RAB11FIP5: variants seen among roughly 807,000 people sequenced by gnomAD.
The protein encoded by RAB11FIP5 is RAB11 family interacting protein 5.
Under a neutral mutation model 85.1 loss-of-function variants are expected in RAB11FIP5, and 48 were observed. The ratio of observed to expected loss-of-function variants is 0.56; its 90% confidence interval spans 0.45 to 0.72. The LOEUF is 0.72. Ranked by LOEUF, RAB11FIP5 falls within the 30% of genes least tolerant of loss-of-function variation. RAB11FIP5 has a pLI of 0.00. For missense variants in RAB11FIP5, 1,491 were observed against 1,687.0 expected, an observed-to-expected ratio of 0.88 and a Z score of 2.04; for synonymous variants, 729 against 727.3, an observed-to-expected ratio of 1.00 and a Z score of -0.04.
intron 1 of RAB11FIP5, among the ~76,000 whole-genome samples, chr2:73,106,377 G>A (rs903189549): frequency 1.3e-5 from 2 of 152,196 alleles, no homozygotes; most frequent in Non-Finnish European, 2.9e-5. Context: ...CACAGCCAGC[G>A]CCAGTGGCTC....
chr2:73,112,201 CGAA>C, intron 1 of RAB11FIP5, 143 bp downstream of exon 1: 1 of 1,012,406 alleles, frequency 9.9e-7, no homozygotes, highest in Non-Finnish European at 1.3e-6. Flanking sequence ...CCCCGAAATG[CGAA>C]GAACCAACGT....
chr2:73,077,420 G>A (rs1683884389), intron 4 of RAB11FIP5, among the ~76,000 whole-genome samples: 1 of 152,192 alleles, frequency 6.6e-6, no homozygotes, highest in African/African-American at 2.4e-5. Context: ...TCTAGTCACA[G>A]CCACTAAATC....
In RAB11FIP5 at chr2:73,080,354, C is replaced by T. The variant is rs1165973962; in HGVS notation, c.2878G>A (p.Glu960Lys). 1 of 1,232,730 alleles carries T rather than the reference C, an allele frequency of 8.1e-7. No homozygotes were observed. The highest frequency in any genetic ancestry group is 1.0e-6 in the Non-Finnish European group (1 of 988,374). The allele number at this position is 1,232,730 out of a possible 1,614,324, so 76.4% of individuals were successfully genotyped here. A position where few individuals can be genotyped will look rare whatever the true frequency, so the allele number is the denominator to read the frequency against. ...KEEGEKRESE[E>K]SDSCSSATLL... ...GTTGCAGAGGAGCAGCTGTCAGACT[C>T]CTCCGACTCACGCTTCTCTCCCTCC... The change falls in exon 4 of 6, where the codon GAG becomes AAG. Residue 960 changes from glutamate to lysine, a missense_variant. This residue lies in a region of RAB11FIP5 where 1,211 missense variants were observed against 1,338.0 expected (regional missense o/e 0.91). Coordinates refer to ENST00000486777, the MANE Select transcript of RAB11FIP5 (RefSeq NM_001371272.1).
At chr2:73,096,105 T>C (rs1212158359) in intron 1 of RAB11FIP5, among the ~76,000 whole-genome samples, 1 of 152,210 alleles carries the variant, frequency 6.6e-6, no homozygotes, top group East Asian at 1.9e-4. Flanking sequence ...AGGCCCCGTG[T>C]GGACTTGGGT....
At chr2:73,099,402 G>A (rs889018208) in intron 1 of RAB11FIP5, among the ~76,000 whole-genome samples, 1 of 152,188 alleles carries the variant, frequency 6.6e-6, no homozygotes, top group Non-Finnish European at 1.5e-5. Flanking sequence ...GGAGTCCATG[G>A]CACCAAAAGG....
chr2:73,110,256 T>TC (rs928316063), intron 1 of RAB11FIP5, among the ~76,000 whole-genome samples: 4 of 152,192 alleles, frequency 2.6e-5, no homozygotes, highest in African/African-American at 9.7e-5. Context: ...CCTTGCCCTC[T>TC]CCCTACCAGG....
At chr2:73,110,224 G>C (rs1219359360) in intron 1 of RAB11FIP5, among the ~76,000 whole-genome samples, 1 of 152,242 alleles carries the variant, frequency 6.6e-6, no homozygotes, top group Admixed American at 6.5e-5. Context: ...AAGCTGAGGA[G>C]GGTACACCCT....
In RAB11FIP5 at chr2:73,088,495, A is replaced by G; in HGVS notation, c.1123T>C (p.Phe375Leu). 2 of 1,614,020 alleles carry G rather than the reference A, an allele frequency of 1.2e-6. No homozygotes were observed. The highest frequency in any genetic ancestry group is 2.2e-5 in the South Asian group (2 of 91,090). The stretch of plus-strand genomic sequence containing the variant: ...GTGGAACGAGGCCCCTCCTCGGAGA[A>G]CCGGGAAGAGACAGCTTGCAAGGAG... ...SGSLQAVSSRFSEEGPRSTDD... is the reference protein window; with the variant it reads ...SGSLQAVSSRLSEEGPRSTDD... The change falls in exon 3 of 6, where the codon TTC becomes CTC. Residue 375 changes from phenylalanine (F) to leucine (L), a missense_variant. Phe to Leu is a conservative substitution (Grantham distance 22). This residue lies in a region of RAB11FIP5 where 1,211 missense variants were observed against 1,338.0 expected (regional missense o/e 0.91). Transcript: ENST00000486777.
chr2:73,100,808 G>GT (rs530644662), intron 1 of RAB11FIP5, among the ~76,000 whole-genome samples: 1,897 of 146,328 alleles, frequency 0.013, 24 homozygotes, highest in African/African-American at 0.044. Flanking sequence ...TTGTTTTTTT[G>GT]TTTTTTTTTG....
Position 73,080,486 on chromosome 2 carries a change from C to A in RAB11FIP5, c.2746G>T (p.Glu916Ter), listed in dbSNP as rs536534157. ...RLFTPSRSQE[E>*]EEEKAAVGLS... ...CCCACTGCGGCCTTCTCCTCCTCCT[C>A]CTCCTGGGATCTTGAGGGTGTGAAG... Residue 916 changes from glutamate (E) to a stop codon, truncating the protein, a stop_gained, in exon 4 of 6, where the codon GAG becomes TAG. Coordinates refer to ENST00000486777, the MANE Select transcript of RAB11FIP5 (RefSeq NM_001371272.1). LOFTEE classifies it high-confidence loss of function. The A allele has an allele frequency of 4.9e-6, 6 of 1,233,506 alleles. No homozygotes were observed. Among genetic ancestry groups the A allele is most frequent in the Non-Finnish European group, 6.1e-6 (6 of 988,782 alleles). The allele number at this position is 1,233,506 out of a possible 1,614,324, so 76.4% of individuals were successfully genotyped here.
rs1684087772 is a variant in RAB11FIP5 at position 73,086,186 on chromosome 2, T to A, written c.1568+1864A>T. Among the ~76,000 whole-genome samples the A allele has an allele frequency of 6.6e-6, 1 of 152,016 alleles. No individual in the cohort carries two copies. Among genetic ancestry groups the A allele is most frequent in the African/African-American group, 2.4e-5 (1 of 41,384 alleles). Reference sequence around the variant, plus strand: ...CCAAAGCACAGCCCCTCCCACCCCATCTGCATGCACGGCCACAGAGCCTGG... The same window carrying A: ...CCAAAGCACAGCCCCTCCCACCCCAACTGCATGCACGGCCACAGAGCCTGG... On this transcript the variant is annotated intron_variant, in intron 3 of 5. Transcript: ENST00000486777. This position sits in a 1 kb window ranked among gnomAD's most constrained non-coding sequence, Gnocchi z 4.4.
At position 73,075,293 on chromosome 2, in the gene RAB11FIP5, A is replaced by G. The variant is rs891663790; in HGVS notation, c.*228T>C. 14 of 703,218 alleles carry G rather than the reference A, an allele frequency of 2.0e-5. No homozygotes were observed. Among genetic ancestry groups the G allele is most frequent in the Non-Finnish European group, 3.6e-5 (14 of 386,520 alleles). 43.6% of individuals were successfully genotyped at this position (703,218 alleles called of 1,614,324 possible). The stretch of plus-strand genomic sequence containing the variant: ...AGGGATATGAAAACAGGCAGGTGGG[A>G]AAGACCCAGGGCTCCCAAAGACACA... On this transcript the variant is annotated 3_prime_UTR_variant, in exon 6 of 6. Transcript: ENST00000486777. The surrounding 1 kb of genome is among the most constrained non-coding windows in gnomAD (Gnocchi z 4.6).
intron 1 of RAB11FIP5, among the ~76,000 whole-genome samples, chr2:73,107,921 C>G (rs1281662805): frequency 1.3e-5 from 2 of 152,198 alleles, no homozygotes; most frequent in Non-Finnish European, 2.9e-5. Flanking sequence ...GGTCACGCAC[C>G]ATCTGCCCAC....
chr2:73,095,589 A>G (rs371587546), intron 1 of RAB11FIP5, among the ~76,000 whole-genome samples: 3 of 152,268 alleles, frequency 2.0e-5, no homozygotes, highest in South Asian at 2.1e-4. Flanking sequence ...TATCCATGCA[A>G]CCAGCCCAGG....
At chr2:73,110,497 A>C (rs1684618596) in intron 1 of RAB11FIP5, among the ~76,000 whole-genome samples, 1 of 150,282 alleles carries the variant, frequency 6.7e-6, no homozygotes, top group African/African-American at 2.4e-5. Flanking sequence ...CGGTTCTATA[A>C]ATAAACCAGG....
Position 73,081,802 on chromosome 2 carries a change from G to T in RAB11FIP5, c.1569-139C>A, listed in dbSNP as rs564901581. ...GCTGGATTTACCTACTTGGGCCAGG[G>T]TACAGAGGGAAGACCCCAACATGTA... On this transcript the variant is annotated intron_variant, in intron 3 of 5. Transcript: ENST00000486777. The surrounding 1 kb of genome is among the most constrained non-coding windows in gnomAD (Gnocchi z 4.2). The T allele has an allele frequency of 5.3e-6, 4 of 759,554 alleles. No homozygotes were observed. In the South Asian group the frequency reaches 2.1e-4, roughly 40 times the overall value. The allele number at this position is 759,554 out of a possible 1,614,324, so 47.1% of individuals were successfully genotyped here. A position where few individuals can be genotyped will look rare whatever the true frequency, so the allele number is the denominator to read the frequency against.
At position 73,086,518 on chromosome 2, in the gene RAB11FIP5, G is replaced by T. The variant is rs1459818336; in HGVS notation, c.1568+1532C>A. On this transcript the variant is annotated intron_variant, in intron 3 of 5. Transcript: ENST00000486777. This position sits in a 1 kb window ranked among gnomAD's most constrained non-coding sequence, Gnocchi z 4.4. ...TACAAATGGCCCCAGCATTCACCTTGCCCCAGAAAAGGCCCAGAGACACCG... is the reference window on the plus strand; with the variant it reads ...TACAAATGGCCCCAGCATTCACCTTTCCCCAGAAAAGGCCCAGAGACACCG... Among the ~76,000 whole-genome samples the T allele has an allele frequency of 6.6e-6, 1 of 152,138 alleles. No homozygotes were observed. Among genetic ancestry groups the T allele is most frequent in the Non-Finnish European group, 1.5e-5 (1 of 68,024 alleles).
chr2:73,088,825 C>A, intron 2 of RAB11FIP5, 54 bp downstream of exon 2: 2 of 1,537,786 alleles, frequency 1.3e-6, no homozygotes, highest in Admixed American at 2.0e-5. Context: ...CATCACCACC[C>A]AAGGGGAGAG....
chr2:73,080,745 A>G lies in RAB11FIP5; in HGVS notation c.2487T>C (p.Ala829=). Residue 829 remains alanine (A), a synonymous_variant, in exon 4 of 6, where the codon GCT becomes GCC. Coordinates refer to ENST00000486777, the MANE Select transcript of RAB11FIP5 (RefSeq NM_001371272.1). The part of the protein sequence containing the change: ...ENQLCPDVET[A]DDAWPWDVVT... ...CCACATCCCAAGGCCAGGCATCATC[A>G]GCTGTCTCGACGTCAGGGCAAAGCT... 8.1e-7 allele frequency: 1 copy of G among 1,232,558 alleles called. No individual in the cohort carries two copies. Among genetic ancestry groups the G allele is most frequent in the Non-Finnish European group, 1.0e-6 (1 of 988,090 alleles). The allele number at this position is 1,232,558 out of a possible 1,614,324, so 76.4% of individuals were successfully genotyped here. A position where few individuals can be genotyped will look rare whatever the true frequency, so the allele number is the denominator to read the frequency against.
Sources: allele counts gnomAD v4.1 joint callset (sites outside exome capture counted in the v4.1 genomes callset), GRCh38; gene constraint gnomAD v4.1.1; regional missense constraint gnomAD v4.1.1; non-coding constraint Gnocchi (gnomAD v3.1); transcripts MANE v1.5; gene names NCBI Gene and HGNC (gene_info 2026-07-23, HGNC 2026-07-21).